FHIP2A: variants seen among roughly 807,000 people sequenced by gnomAD.
The protein encoded by FHIP2A is FHF complex subunit HOOK interacting protein 2A, also known as family with sequence similarity 160 member B1.
In FHIP2A, 46 loss-of-function variants were observed where a neutral mutation model predicts 93.5. The ratio of observed to expected loss-of-function variants is 0.49; its 90% CI spans 0.39 to 0.63. The LOEUF (loss-of-function observed/expected upper bound fraction) is 0.63, where lower values mean the gene tolerates loss of function less well. Among genes scored for constraint, FHIP2A ranks in the 20% least tolerant of loss-of-function variants. The pLI, the probability that FHIP2A is intolerant of heterozygous loss-of-function variation, is 0.00. For missense variants in FHIP2A, 769 were observed against 909.7 expected (o/e 0.85, Z 1.99); for synonymous variants, 332 against 326.5 (o/e 1.02, Z -0.18).
Position 114,860,738 on chromosome 10 carries a change from T to C in FHIP2A, c.1948-11T>C, listed in dbSNP as rs755919568. On this transcript the variant is annotated splice_polypyrimidine_tract_variant and intron_variant, in intron 14 of 16. Transcript: ENST00000369248. ...TTTTTAAATGTCTTTCTGTTTTTTA[T>C]CTCTCCATAGCCATATGATGTAAAC... 28 of 1,577,310 alleles carry C rather than the reference T, an allele frequency of 1.8e-5. No individual in the cohort carries two copies. The highest frequency in any genetic ancestry group is 2.3e-5 in the Non-Finnish European group (26 of 1,146,884).
chr10:114,888,575 C>A (rs1336616648), intron 16 of FHIP2A, among the ~76,000 whole-genome samples: 2 of 152,178 alleles, frequency 1.3e-5, no homozygotes, highest in Admixed American at 1.3e-4. Context: ...ACCTCCAGAT[C>A]ATGAAGGTGG....
intron 5 of FHIP2A, among the ~76,000 whole-genome samples, chr10:114,839,585 A>G (rs2083656113): frequency 1.3e-5 from 2 of 152,140 alleles, no homozygotes; most frequent in African/African-American, 4.8e-5. Context: ...TGAGTTAGAA[A>G]CAGTCTTTGC....
intron 5 of FHIP2A, among the ~76,000 whole-genome samples, chr10:114,839,269 G>A (rs1278322982): frequency 1.3e-5 from 2 of 151,990 alleles, no homozygotes; most frequent in African/African-American, 4.8e-5. Flanking sequence ...TGGGATTACA[G>A]GTGCGCACCA....
intron 16 of FHIP2A, among the ~76,000 whole-genome samples, chr10:114,873,463 A>G (rs57823126): frequency 6.6e-6 from 1 of 152,162 alleles, no homozygotes; most frequent in Non-Finnish European, 1.5e-5. Context: ...TCCCATTTCC[A>G]TACTGTATTC....
chr10:114,860,253 C>A (rs567194008), intron 14 of FHIP2A, among the ~76,000 whole-genome samples: 3 of 152,076 alleles, frequency 2.0e-5, no homozygotes, highest in Non-Finnish European at 2.9e-5. Flanking sequence ...AGTTTTAGGC[C>A]TGCAATATAT....
chr10:114,848,814 C>G, intron 13 of FHIP2A, 77 bp downstream of exon 13: 1 of 892,208 alleles, frequency 1.1e-6, no homozygotes, highest in South Asian at 1.4e-5. Context: ...CTGCCCACCA[C>G]CACTGCTCCA....
chr10:114,856,568 T>C (rs1382012300), intron 14 of FHIP2A, among the ~76,000 whole-genome samples: 1 of 152,174 alleles, frequency 6.6e-6, no homozygotes, highest in African/African-American at 2.4e-5. Flanking sequence ...ACAATGAGTA[T>C]CAAGACAGTA....
intron 5 of FHIP2A, among the ~76,000 whole-genome samples, chr10:114,839,553 T>C (rs566375620): frequency 6.6e-6 from 1 of 152,250 alleles, no homozygotes; most frequent in African/African-American, 2.4e-5. Flanking sequence ...GCATCTACTA[T>C]TGGTTAAATA....
chr10:114,843,613 C>A, intron 6 of FHIP2A, 128 bp from the exon 7 acceptor site: 1 of 759,678 alleles, frequency 1.3e-6, no homozygotes, highest in Non-Finnish European at 1.9e-6. Context: ...CAATAATATG[C>A]ATTTAAAATA....
intron 5 of FHIP2A, among the ~76,000 whole-genome samples, chr10:114,836,526 A>G (rs1176684906): frequency 6.6e-6 from 1 of 152,250 alleles, no homozygotes; most frequent in Non-Finnish European, 1.5e-5. Flanking sequence ...TCAGAGATAG[A>G]CAAGTCACAG....
chr10:114,875,146 C>A (rs908606977), intron 16 of FHIP2A, among the ~76,000 whole-genome samples: 8 of 152,100 alleles, frequency 5.3e-5, no homozygotes, highest in African/African-American at 1.9e-4. Context: ...GGGCTCAGTT[C>A]CGAGGGAAGG....
rs547433818 is a variant in FHIP2A at position 114,897,268 on chromosome 10, A to G, written c.2193-2222A>G. On this transcript the variant is annotated intron_variant, in intron 16 of 16. Coordinates refer to the FHIP2A transcript ENST00000369250. ...TTCTAAGTTGCTAGCCAATTGGGAC[A>G]AATAGAGAATGTGAGGTCTCGTTCC... Among the ~76,000 whole-genome samples the G allele has an allele frequency of 3.3e-5, 5 of 152,292 alleles. No individual in the cohort carries two copies. In the East Asian group the frequency reaches 9.6e-4, roughly 29 times the overall value.
intron 16 of FHIP2A, among the ~76,000 whole-genome samples, chr10:114,878,791 A>AAAAGAAAG (rs35334845): frequency 4.0e-4 from 54 of 135,516 alleles, no homozygotes; most frequent in South Asian, 3.3e-3. Flanking sequence ...AAAAAAAAAA[A>AAAAGAAAG]AAAGAAAGAA....
chr10:114,885,234 A>G (rs1461001979), intron 16 of FHIP2A, among the ~76,000 whole-genome samples: 1 of 151,958 alleles, frequency 6.6e-6, no homozygotes, highest in East Asian at 1.9e-4. Context: ...GTCTCTACTA[A>G]AAATACAAAA....
intron 16 of FHIP2A, among the ~76,000 whole-genome samples, chr10:114,892,680 A>G (rs780439589): frequency 6.6e-6 from 1 of 152,114 alleles, no homozygotes; most frequent in African/African-American, 2.4e-5. Flanking sequence ...AAATAATATA[A>G]GAATACTAAT....
chr10:114,897,625 C>T (rs1005882438), intron 16 of FHIP2A, among the ~76,000 whole-genome samples: 5 of 152,132 alleles, frequency 3.3e-5, no homozygotes, highest in African/African-American at 1.2e-4. Flanking sequence ...AAAATATTCA[C>T]TGGGGCCCAG....
chr10:114,840,654 A>G (rs984711637), intron 5 of FHIP2A, among the ~76,000 whole-genome samples: 1 of 152,216 alleles, frequency 6.6e-6, no homozygotes, highest in African/African-American at 2.4e-5. Flanking sequence ...GACTAGAGGT[A>G]GGCTCTATAT....
intron 16 of FHIP2A, among the ~76,000 whole-genome samples, chr10:114,883,103 G>A (rs1166253770): frequency 6.6e-6 from 1 of 152,154 alleles, no homozygotes; most frequent in African/African-American, 2.4e-5. Context: ...ACCAGGAAAG[G>A]AGGACAGAAG....
At chr10:114,848,042 G>A (rs2083712445) in intron 12 of FHIP2A, among the ~76,000 whole-genome samples, 1 of 152,132 alleles carries the variant, frequency 6.6e-6, no homozygotes, top group Non-Finnish European at 1.5e-5. Context: ...TTGATAAGAT[G>A]TACTTATTAA....
Sources: allele counts gnomAD v4.1 joint callset (sites outside exome capture counted in the v4.1 genomes callset), GRCh38; gene constraint gnomAD v4.1.1; transcripts MANE v1.5; gene names NCBI Gene and HGNC (gene_info 2026-07-23, HGNC 2026-07-21).